CTCF: variants seen among roughly 807,000 people sequenced by gnomAD.
CTCF encodes the protein transcriptional repressor CTCF.
CTCF carries 7 observed loss-of-function variants against 72.3 expected under a neutral mutation model. The observed-to-expected ratio is 0.10, with a 90% CI of 0.06 to 0.18. CTCF has a LOEUF of 0.18. CTCF is among the 10% of genes least tolerant of loss of function. The pLI, the probability that CTCF is intolerant of heterozygous loss-of-function variation, is 1.00. For missense variants in CTCF, 516 were observed against 949.1 expected (o/e 0.54, Z 6.00); for synonymous variants, 374 against 315.8 (o/e 1.18, Z -1.95).
At chr16:67,586,071 T>G (rs929902004) in intron 2 of CTCF, among the ~76,000 whole-genome samples, 4 of 152,316 alleles carry the variant, frequency 2.6e-5, no homozygotes, top group Middle Eastern at 3.4e-3. Flanking sequence ...AGTAACCAAG[T>G]TGACAAATTA....
chr16:67,633,843 G>C (rs1275412653), intron 10 of CTCF, among the ~76,000 whole-genome samples: 3 of 150,914 alleles, frequency 2.0e-5, no homozygotes, highest in African/African-American at 7.3e-5. Context: ...TACCCTTCCT[G>C]CCCACTTAGA....
rs760277425 is a variant in CTCF, at chr16:67,637,809, T to G, written c.2121T>G (p.Ala707=). The G allele has an allele frequency of 2.5e-6, 4 of 1,612,812 alleles. No individual in the cohort carries two copies. The South Asian group carries it at 3.3e-5, about 13-fold the overall frequency. ...GAGAGGAAGAGGAGGCCCAGCCAGC[T>G]GCCACAGATGCCCCCAACGGAGACC... is the stretch of plus-strand genomic sequence containing the variant. ...AEGEEEEAQP[A]ATDAPNGDLT... The change falls in exon 12 of 12, where the codon GCT becomes GCG. Residue 707 remains alanine (A), a synonymous_variant. Transcript: ENST00000264010.
rs143200192 is a variant in CTCF, at chr16:67,631,561, A to G, written c.1837+2028A>G. Reference sequence around the variant, plus strand: ...AGTGATCCTCCTGCCTCGACCTCCCAATGTGCTGGGATTATAGGCATGAGC... The same window carrying G: ...AGTGATCCTCCTGCCTCGACCTCCCGATGTGCTGGGATTATAGGCATGAGC... On this transcript the variant is annotated intron_variant, in intron 10 of 11. Transcript: ENST00000264010. Among the ~76,000 whole-genome samples, 1,041 of 151,602 alleles carry G rather than the reference A, an allele frequency of 6.9e-3. 18 individuals are homozygous for G. Among genetic ancestry groups the G allele is most frequent in the African/African-American group, 0.024 (981 of 41,316 alleles).
chr16:67,634,516 C>CTTTTT (rs35780985), intron 10 of CTCF, among the ~76,000 whole-genome samples: 1 of 104,152 alleles, frequency 9.6e-6, no homozygotes, highest in African/African-American at 3.8e-5. Flanking sequence ...CCTAAATGGG[C>CTTTTT]TTTTTTTTTT....
At chr16:67,581,649 G>A (rs1039221712) in intron 2 of CTCF, among the ~76,000 whole-genome samples, 1 of 151,912 alleles carries the variant, frequency 6.6e-6, no homozygotes, top group Admixed American at 6.6e-5. Flanking sequence ...GATTACAGTC[G>A]TGCACCACCA....
intron 4 of CTCF, chr16:67,615,103 C>G (rs1238721920): frequency 2.6e-5 from 4 of 152,232 alleles, no homozygotes; most frequent in African/African-American, 9.7e-5. Context: ...AATCATGCTA[C>G]TGCACTACAA....
chr16:67,569,517 T>C (rs895905857), intron 1 of CTCF, among the ~76,000 whole-genome samples: 11 of 152,084 alleles, frequency 7.2e-5, no homozygotes, highest in African/African-American at 2.4e-4. Flanking sequence ...TTCTTTTTCT[T>C]TAGAGGTAGG....
At chr16:67,578,210 C>T (rs1176932068) in intron 2 of CTCF, among the ~76,000 whole-genome samples, 1 of 151,972 alleles carries the variant, frequency 6.6e-6, no homozygotes, top group Non-Finnish European at 1.5e-5. Flanking sequence ...GAAAAGTAAT[C>T]CTCAGTCTTG....
intron 1 of CTCF, among the ~76,000 whole-genome samples, chr16:67,565,024 G>A (rs1217778056): frequency 6.6e-6 from 1 of 150,510 alleles, no homozygotes; most frequent in East Asian, 1.9e-4. Flanking sequence ...TTTTTGAGAC[G>A]GAGTCTCGTT....
At chr16:67,603,606 G>C (rs960667941) in intron 2 of CTCF, among the ~76,000 whole-genome samples, 4 of 151,380 alleles carry the variant, frequency 2.6e-5, no homozygotes, top group East Asian at 2.0e-4. Flanking sequence ...GGGCGGATCA[G>C]GAGGTCAGGA....
chr16:67,611,546 A>T lies in CTCF; in HGVS notation c.714A>T (p.Ser238=). The T allele has an allele frequency of 6.2e-7, 1 of 1,614,230 alleles. No individual in the cohort carries two copies. The highest frequency in any genetic ancestry group is 2.2e-5 in the East Asian group (1 of 44,894). The part of the protein sequence containing the change: ...FEEEQQEGLL[S]EVNAEKVVGN... ...AAGAACAGCAGGAGGGTCTGCTATC[A>T]GAGGTTAATGCAGAGAAAGTGGTTG... is the stretch of plus-strand genomic sequence containing the variant. Residue 238 remains serine, a synonymous_variant, in exon 3 of 12, where the codon TCA becomes TCT. Transcript: ENST00000264010.
chr16:67,638,670 C>G lies in CTCF; in HGVS notation c.*798C>G, dbSNP rs1024171232. The G allele has an allele frequency of 4.8e-5, 11 of 230,716 alleles. No individual in the cohort carries two copies. The highest frequency in any genetic ancestry group is 8.6e-6 in the Non-Finnish European group (1 of 116,296). The allele number at this position is 230,716 out of a possible 1,614,324, so 14.3% of individuals were successfully genotyped here. A position where few individuals can be genotyped will look rare whatever the true frequency, so the allele number is the denominator to read the frequency against. Reference sequence around the variant, plus strand: ...CAGCCCACGGAGCCAGCATTTGAACCTTGTATAATTAACTTTCAGTTATGA... The same window carrying G: ...CAGCCCACGGAGCCAGCATTTGAACGTTGTATAATTAACTTTCAGTTATGA... On this transcript the variant is annotated 3_prime_UTR_variant, in exon 12 of 12. Transcript: ENST00000264010.
intron 2 of CTCF, among the ~76,000 whole-genome samples, chr16:67,599,008 A>G (rs181138211): frequency 2.5e-4 from 38 of 152,230 alleles, no homozygotes. Flanking sequence ...GAGATGACAG[A>G]TACTAAATCG....
Position 67,637,713 on chromosome 16 carries a change from C to A in CTCF, c.2025C>A (p.Asp675Glu). The change falls in exon 12 of 12, where the codon GAC (aspartate) becomes GAA (glutamate). Residue 675 changes from aspartate (D) to glutamate (E), a missense_variant. Transcript: ENST00000264010. ...NQPTAIIQVE[D>E]QNTGAIENII... is the part of the protein sequence containing the mutation. The stretch of plus-strand genomic sequence containing the variant: ...CAACAGCTATCATTCAGGTTGAAGA[C>A]CAGAATACAGGTGCAATTGAGAACA... 6.2e-7 allele frequency: 1 copy of A among 1,613,384 alleles called. No homozygotes were observed. The highest frequency in any genetic ancestry group is 8.5e-7 in the Non-Finnish European group (1 of 1,179,644).
rs149779452 is a variant in CTCF at position 67,593,424 on chromosome 16, T to G, written c.-9-17400T>G. Among the ~76,000 whole-genome samples, 293 of 152,278 alleles carry G rather than the reference T, an allele frequency of 1.9e-3. 1 individual carries two copies. The highest frequency in any genetic ancestry group is 3.2e-3 in the Non-Finnish European group (215 of 68,030). On this transcript the variant is annotated intron_variant, in intron 2 of 11. Coordinates refer to ENST00000264010, the MANE Select transcript of CTCF (RefSeq NM_006565.4). ...GTACCCAGTGTGTAGCTTCCACTTG[T>G]AAGTGAGAACATGAGATACTTGGTT...
At chr16:67,574,250 A>G (rs1385420511) in intron 2 of CTCF, among the ~76,000 whole-genome samples, 2 of 152,172 alleles carry the variant, frequency 1.3e-5, no homozygotes, top group Non-Finnish European at 2.9e-5. Flanking sequence ...TGAGTTTCCC[A>G]CGACCTCTTT....
intron 2 of CTCF, among the ~76,000 whole-genome samples, chr16:67,586,380 C>CA (rs1204989259): frequency 1.3e-5 from 2 of 150,034 alleles, no homozygotes; most frequent in Non-Finnish European, 3.0e-5. Flanking sequence ...ACTAAAAATA[C>CA]AAAAAAATTA....
intron 11 of CTCF, among the ~76,000 whole-genome samples, chr16:67,637,471 G>A (rs982532853): frequency 6.6e-5 from 10 of 152,186 alleles, no homozygotes; most frequent in South Asian, 4.1e-4. Context: ...GGCAGAGGTT[G>A]CAGTGAGCTG....
chr16:67,631,524 C>T (rs1227254972), intron 10 of CTCF, among the ~76,000 whole-genome samples: 1 of 151,936 alleles, frequency 6.6e-6, no homozygotes, highest in African/African-American at 2.4e-5. Flanking sequence ...GGTCTCGTAA[C>T]TCCTGGGCTC....
Sources: allele counts gnomAD v4.1 joint callset (sites outside exome capture counted in the v4.1 genomes callset), GRCh38; gene constraint gnomAD v4.1.1; transcripts MANE v1.5; gene names NCBI Gene and HGNC (gene_info 2026-07-23, HGNC 2026-07-21).